The following SDC3 variants were observed in gnomAD, a reference collection of about 807,000 sequenced individuals.
The protein encoded by SDC3 is syndecan-3.
Under a neutral mutation model 24.4 loss-of-function variants are expected in SDC3, and 13 were observed. That is an observed-to-expected ratio of 0.53 (90% confidence interval 0.35 to 0.85). The LOEUF is 0.85. Among genes scored for constraint, SDC3 ranks in the 40% least tolerant of loss-of-function variants. The pLI, the probability that SDC3 is intolerant of heterozygous loss-of-function variation, is 0.01. For missense variants in SDC3, 571 were observed against 584.5 expected (o/e 0.98, Z 0.24); for synonymous variants, 295 against 260.9 (o/e 1.13, Z -1.26).
intron 2 of SDC3, chr1:30,877,433 G>C: frequency 1.7e-6 from 1 of 602,272 alleles, no homozygotes; most frequent in Non-Finnish European, 3.0e-6. Context: ...TGCCCACCCA[G>C]CCTACAGTTT....
rs769897778 is a variant in SDC3, at chr1:30,873,372, T to C, written c.1168A>G (p.Ile390Val). ...AGGGCGCCCACCACCCCGCCCACAATCACAGCTGTGGAAGAAGAGGGCACA... is the reference window on the plus strand; with the variant it reads ...AGGGCGCCCACCACCCCGCCCACAACCACAGCTGTGGAAGAAGAGGGCACA... ...LERKEVLVAVIVGGVVGALFA... is the reference protein window; with the variant it reads ...LERKEVLVAVVVGGVVGALFA... The change falls in exon 5 of 5, where the codon ATT (isoleucine) becomes GTT (valine). Residue 390 changes from isoleucine (I) to valine (V), a missense_variant. By Grantham distance (29) the Ile-to-Val change is conservative. Around this residue, in one of 2 missense-constraint regions of SDC3, gnomAD observed 74 missense variants for 112.9 expected, o/e 0.66. Coordinates refer to ENST00000339394, the MANE Select transcript of SDC3 (RefSeq NM_014654.4). 11 of 1,613,062 alleles carry C rather than the reference T, an allele frequency of 6.8e-6. No homozygotes were observed. Among genetic ancestry groups the C allele is most frequent in the Non-Finnish European group, 9.3e-6 (11 of 1,179,440 alleles).
Position 30,870,505 on chromosome 1 carries a change from G to C in SDC3, c.*2706C>G, listed in dbSNP as rs910764982. 2 of 152,936 alleles carry C rather than the reference G, an allele frequency of 1.3e-5. No individual in the cohort carries two copies. The highest frequency in any genetic ancestry group is 2.1e-4 in the South Asian group (1 of 4,846). The allele number at this position is 152,936 out of a possible 1,614,324, so 9.5% of individuals were successfully genotyped here. On this transcript the variant is annotated 3_prime_UTR_variant, in exon 5 of 5. Coordinates refer to ENST00000339394, the MANE Select transcript of SDC3 (RefSeq NM_014654.4). ...CCCACATTGCACCTGGGAGAGCCTA[G>C]CTGGTCCTCACTGAACTCTCTTGGA... is the stretch of plus-strand genomic sequence containing the variant.
intron 1 of SDC3, among the ~76,000 whole-genome samples, chr1:30,894,406 ATGTGTGTGTGGGGGTGAGTGTGTG>A (rs1639963603): frequency 1.9e-5 from 1 of 51,612 alleles, no homozygotes; most frequent in Non-Finnish European, 3.4e-5. Flanking sequence ...GGGAGTGAGA[ATGTGTGTGTGGGGGTGAGTGTGTG>A]CATTGAGTGT....
Position 30,874,537 on chromosome 1 carries a change from G to A in SDC3, c.922C>T (p.Pro308Ser), listed in dbSNP as rs1639605484. Residue 308 changes from proline (P) to serine (S), a missense_variant, in exon 4 of 5, where the codon CCG (proline) becomes TCG (serine). This residue lies in a region of SDC3 where 497 missense variants were observed against 471.6 expected (regional missense o/e 1.05). Transcript: ENST00000339394. ...LTTIRDEPEV[P>S]VSGGPSGDFE... is the part of the protein sequence containing the mutation. Reference sequence around the variant, plus strand: ...TCTCCACTGGGCCCCCCACTCACCGGAACCTCTGGCTCATCCCGGATTGTG... The same window carrying A: ...TCTCCACTGGGCCCCCCACTCACCGAAACCTCTGGCTCATCCCGGATTGTG... The A allele has an allele frequency of 3.7e-6, 6 of 1,614,136 alleles. No homozygotes were observed. Among genetic ancestry groups the A allele is most frequent in the Non-Finnish European group, 5.1e-6 (6 of 1,180,034 alleles).
chr1:30,898,859 C>T (rs1180757529), intron 1 of SDC3, among the ~76,000 whole-genome samples: 1 of 152,248 alleles, frequency 6.6e-6, no homozygotes, highest in African/African-American at 2.4e-5. Flanking sequence ...AACAGGCTGC[C>T]TGCTACCACT....
intron 1 of SDC3, among the ~76,000 whole-genome samples, chr1:30,903,788 C>G (rs1012423755): frequency 1.3e-5 from 2 of 152,200 alleles, no homozygotes; most frequent in Non-Finnish European, 1.5e-5. Flanking sequence ...TAAGATCACA[C>G]AGCAAGAGGG....
chr1:30,876,587 C>T lies in SDC3; in HGVS notation c.835G>A (p.Gly279Arg). The T allele has an allele frequency of 6.5e-7, 1 of 1,531,582 alleles. No individual in the cohort carries two copies. The highest frequency in any genetic ancestry group is 8.8e-7 in the Non-Finnish European group (1 of 1,140,038). The allele number at this position is 1,531,582 out of a possible 1,614,324, so 94.9% of individuals were successfully genotyped here. The change falls in exon 3 of 5, where the codon GGG (glycine) becomes AGG (arginine). Residue 279 changes from glycine to arginine, a missense_variant. Gly to Arg is a moderately radical substitution (Grantham distance 125, BLOSUM62 -2). Transcript: ENST00000339394. Reference sequence around the variant, plus strand: ...TCTGTGGGTCCAGGGGCAGTGGTCCCCAGGGGCAGGGTGCTCCTCTCAGGG... The same window carrying T: ...TCTGTGGGTCCAGGGGCAGTGGTCCTCAGGGGCAGGGTGCTCCTCTCAGGG... ...DIPERSTLPL[G>R]TTAPGPTEVA...
intron 3 of SDC3, among the ~76,000 whole-genome samples, chr1:30,875,801 G>A (rs1459244884): frequency 6.6e-6 from 1 of 152,210 alleles, no homozygotes; most frequent in East Asian, 1.9e-4. Context: ...ATCGCTGGCT[G>A]CGGAGCCTTG....
intron 1 of SDC3, among the ~76,000 whole-genome samples, chr1:30,891,487 G>T (rs1639903397): frequency 6.6e-6 from 1 of 152,196 alleles, no homozygotes. Context: ...CTCCTGCCTG[G>T]CTGAACTCAG....
In SDC3 at chr1:30,908,579, G is replaced by A. The variant is rs1182786839; in HGVS notation, c.8C>T (p.Pro3Leu). Reference protein sequence around the residue: MKPGPPHRAGAAH... With the variant: MKLGPPHRAGAAH... ...GGCCCCGGCACGGTGCGGCGGCCCC[G>A]GCTTCATGGCGGCGGCGCGGGCGCG... Residue 3 changes from proline to leucine, a missense_variant, in exon 1 of 5, where the codon CCG (proline) becomes CTG (leucine). Pro to Leu is a moderately conservative substitution (Grantham distance 98). Transcript: ENST00000339394. 2.0e-6 allele frequency: 2 copies of A among 977,026 alleles called. No homozygotes were observed. Among genetic ancestry groups the A allele is most frequent in the African/African-American group, 1.8e-5 (1 of 55,924 alleles). 60.5% of individuals were successfully genotyped at this position (977,026 alleles called of 1,614,324 possible). A position where few individuals can be genotyped will look rare whatever the true frequency, so the allele number is the denominator to read the frequency against.
At chr1:30,886,444 GTC>G (rs1337406101) in intron 1 of SDC3, among the ~76,000 whole-genome samples, 1 of 152,100 alleles carries the variant, frequency 6.6e-6, no homozygotes, top group Non-Finnish European at 1.5e-5. Context: ...CCACTGTGTT[GTC>G]ATTTACTAAG....
intron 1 of SDC3, among the ~76,000 whole-genome samples, chr1:30,906,405 CCT>C (rs1420984452): frequency 6.6e-6 from 1 of 152,162 alleles, no homozygotes; most frequent in Non-Finnish European, 1.5e-5. Flanking sequence ...CTGAGCCACA[CCT>C]CTCAGATTCA....
At chr1:30,878,314 C>T in intron 2 of SDC3, 3 of 283,074 alleles carry the variant, frequency 1.1e-5, no homozygotes, top group Middle Eastern at 1.1e-3. Flanking sequence ...CAGCTTATTG[C>T]ACCTGACGGG....
At chr1:30,902,963 A>G (rs1354783618) in intron 1 of SDC3, among the ~76,000 whole-genome samples, 1 of 152,164 alleles carries the variant, frequency 6.6e-6, no homozygotes, top group Non-Finnish European at 1.5e-5. Flanking sequence ...CATTCCTTTG[A>G]ATCATTCACT....
At chr1:30,898,075 A>C (rs56090580) in intron 1 of SDC3, among the ~76,000 whole-genome samples, 118,389 of 151,606 alleles carry the variant, frequency 0.78, 47,159 homozygotes, top group African/African-American at 0.93. Context: ...AACTGTTCAG[A>C]ACAAGAACTG....
intron 1 of SDC3, among the ~76,000 whole-genome samples, chr1:30,905,796 C>T (rs1019519866): frequency 2.0e-5 from 3 of 152,134 alleles, no homozygotes; most frequent in Non-Finnish European, 4.4e-5. Flanking sequence ...AGATGTCCCT[C>T]AGAGTCCTGG....
In SDC3 at chr1:30,877,129, C is replaced by T. The variant is rs776025850; in HGVS notation, c.293G>A (p.Arg98His). ...EQESGIETAM[R>H]FSPDVALAVS... The stretch of plus-strand genomic sequence containing the variant: ...CGCCAGGGCTACATCTGGGCTGAAG[C>T]GCATGGCTGTCTCAATGCCCGACTC... Residue 98 changes from arginine (R) to histidine (H), a missense_variant, in exon 3 of 5, where the codon CGC becomes CAC. By Grantham distance (29) the Arg-to-His change is conservative. Coordinates refer to ENST00000339394, the MANE Select transcript of SDC3 (RefSeq NM_014654.4). 1.1e-5 allele frequency: 17 copies of T among 1,613,780 alleles called. No individual in the cohort carries two copies. The Admixed American group carries it at 1.7e-4, about 16-fold the overall frequency.
At chr1:30,901,119 C>T (rs1036279594) in intron 1 of SDC3, among the ~76,000 whole-genome samples, 1 of 152,172 alleles carries the variant, frequency 6.6e-6, no homozygotes, top group African/African-American at 2.4e-5. Context: ...TGGCAGGTGG[C>T]CTAACATCTC....
intron 2 of SDC3, 118 bp downstream of exon 2, chr1:30,878,505 C>T (rs1639686719): frequency 2.7e-6 from 2 of 753,468 alleles, no homozygotes; most frequent in Non-Finnish European, 4.6e-6. Flanking sequence ...ACTTGCCTGA[C>T]CCAGGCAGTG....
Sources: allele counts gnomAD v4.1 joint callset (sites outside exome capture counted in the v4.1 genomes callset), GRCh38; gene constraint gnomAD v4.1.1; regional missense constraint gnomAD v4.1.1; transcripts MANE v1.5; gene names NCBI Gene and HGNC (gene_info 2026-07-23, HGNC 2026-07-21).